Variants in PPP2R2C observed in about 807,000 individuals in gnomAD.
PPP2R2C encodes the protein protein phosphatase 2 regulatory subunit Bgamma, also known as protein phosphatase 2, regulatory subunit B, gamma.
PPP2R2C carries 10 observed loss-of-function variants against 45.3 expected under a neutral mutation model. That is an observed-to-expected ratio of 0.22 (90% CI 0.14 to 0.37). The LOEUF is 0.37. PPP2R2C is among the 10% of genes least tolerant of loss of function. The pLI is 1.00. For synonymous variants in PPP2R2C, 257 were observed against 245.4 expected (o/e 1.05, Z -0.44); for missense variants, 308 against 619.7 (o/e 0.50, Z 5.34).
At chr4:6,438,603 C>T (rs1273050832) in intron 1 of PPP2R2C, among the ~76,000 whole-genome samples, 2 of 152,278 alleles carry the variant, frequency 1.3e-5, no homozygotes, top group African/African-American at 4.8e-5. Context: ...TTTCATTGTG[C>T]CAGATTTTTC....
chr4:6,544,006 T>C (rs1464149985), intron 1 of PPP2R2C, among the ~76,000 whole-genome samples: 1 of 152,100 alleles, frequency 6.6e-6, no homozygotes, highest in African/African-American at 2.4e-5. Flanking sequence ...GACGCTCAAG[T>C]CCCCAGAGTG....
At position 6,424,120 on chromosome 4, in the gene PPP2R2C, G is replaced by GGAGGAAGGGGCTGCCC. The variant is rs1719141932; in HGVS notation, c.71-43042_71-43027dup. On this transcript the variant is annotated intron_variant, in intron 1 of 8. Coordinates refer to ENST00000382599, the MANE Select transcript of PPP2R2C (RefSeq NM_020416.4). ...CTTCCTCACAGGGAAAGCCGGATTA[G>GGAGGAAGGGGCTGCCC]GAGGAAGGGGCTGCCCAGGGAAGGG... Among the ~76,000 whole-genome samples, 6 of 152,328 alleles carry GGAGGAAGGGGCTGCCC rather than the reference G, an allele frequency of 3.9e-5. No individual in the cohort carries two copies. In the South Asian group the frequency reaches 1.2e-3, roughly 32 times the overall value.
In PPP2R2C at chr4:6,322,704, G is replaced by T. The variant is rs961941406; in HGVS notation, c.*598C>A. On this transcript the variant is annotated 3_prime_UTR_variant, in exon 9 of 9. Coordinates refer to ENST00000382599, the MANE Select transcript of PPP2R2C (RefSeq NM_020416.4). The surrounding 1 kb of genome is among the most constrained non-coding windows in gnomAD (Gnocchi z 7.8). ...AAGACATTCAGAAGACCTAGGAGAG[G>T]AGCTTGCATCTGCAAATTCTCAGCA... 6.6e-6 allele frequency: 1 copy of T among 152,286 alleles called. No individual in the cohort carries two copies. The highest frequency in any genetic ancestry group is 1.5e-5 in the Non-Finnish European group (1 of 68,084). 9.4% of individuals were successfully genotyped at this position (152,286 alleles called of 1,614,324 possible).
chr4:6,447,297 G>A (rs374624856), intron 1 of PPP2R2C, among the ~76,000 whole-genome samples: 2 of 152,156 alleles, frequency 1.3e-5, no homozygotes, highest in South Asian at 2.1e-4. Context: ...GGGACACGCT[G>A]CCACCTCAGC....
chr4:6,439,589 C>T (rs1720050098), intron 1 of PPP2R2C, among the ~76,000 whole-genome samples: 1 of 152,156 alleles, frequency 6.6e-6, no homozygotes, highest in Admixed American at 6.6e-5. Context: ...TGGGAGCAGC[C>T]CCTCCCGCTT....
chr4:6,381,477 T>A (rs1217284102), intron 1 of PPP2R2C: 2 of 1,368,076 alleles, frequency 1.5e-6, no homozygotes, highest in Non-Finnish European at 1.9e-6. Context: ...CAGGCCCCCA[T>A]GCTCCAGCAA....
chr4:6,512,120 G>C (rs138608297), intron 2 of PPP2R2C, among the ~76,000 whole-genome samples: 4 of 19,904 alleles, frequency 2.0e-4, no homozygotes, highest in Admixed American at 6.1e-4. Context: ...GTGATGGTGG[G>C]GGTGGTGGTG....
intron 2 of PPP2R2C, among the ~76,000 whole-genome samples, chr4:6,511,874 T>C (rs1577230306): frequency 9.3e-6 from 1 of 107,288 alleles, no homozygotes; most frequent in Non-Finnish European, 2.0e-5. Flanking sequence ...ATGGTGGTGG[T>C]GGTGGTGGTG....
intron 2 of PPP2R2C, among the ~76,000 whole-genome samples, chr4:6,526,548 G>C (rs868833443): frequency 6.6e-6 from 1 of 152,232 alleles, no homozygotes; most frequent in Non-Finnish European, 1.5e-5. Context: ...TTGGTGAAAA[G>C]AAAAGAAGAG....
chr4:6,513,846 G>T lies in PPP2R2C; in HGVS notation c.49+21425C>A, dbSNP rs546694586. 4.6e-5 allele frequency among the ~76,000 whole-genome samples: 7 copies of T among 152,304 alleles called. No individual in the cohort carries two copies. In the East Asian group the frequency reaches 1.2e-3, roughly 25 times the overall value. On this transcript the variant is annotated intron_variant, in intron 2 of 9. Coordinates refer to the PPP2R2C transcript ENST00000506140. ...CCCACTTGGCTCAGTTTTCTCCAGT[G>T]GGGAGCACCCACTCTGAAGACACCA...
chr4:6,394,136 C>T (rs1385511681), intron 1 of PPP2R2C, among the ~76,000 whole-genome samples: 1 of 152,204 alleles, frequency 6.6e-6, no homozygotes, highest in Non-Finnish European at 1.5e-5. Flanking sequence ...ACCAGAATTG[C>T]TGGGGCCTAG....
intron 1 of PPP2R2C, among the ~76,000 whole-genome samples, chr4:6,552,645 T>A (rs1725222529): frequency 6.6e-6 from 1 of 152,108 alleles, no homozygotes; most frequent in African/African-American, 2.4e-5. Flanking sequence ...CCTACCCAGA[T>A]AATCCAGGTC....
intron 7 of PPP2R2C, among the ~76,000 whole-genome samples, chr4:6,333,020 G>T (rs1229489202): frequency 6.6e-6 from 1 of 152,148 alleles, no homozygotes; most frequent in Non-Finnish European, 1.5e-5. Context: ...ATATCTGAAT[G>T]GATGATAATA....
In PPP2R2C at chr4:6,485,004, G is replaced by A. The variant is rs187438798; in HGVS notation, c.49+50267C>T. The stretch of plus-strand genomic sequence containing the variant: ...TTTTGCCTTCTCCCAGTCTTAGGGA[G>A]AAAGCATTCAATCTTTCATTTAGCC... On this transcript the variant is annotated intron_variant, in intron 2 of 9. Transcript: ENST00000506140. Among the ~76,000 whole-genome samples, 118 of 151,886 alleles carry A rather than the reference G, an allele frequency of 7.8e-4. 1 individual carries two copies. Among genetic ancestry groups the A allele is most frequent in the Middle Eastern group, 3.4e-3 (1 of 294 alleles).
intron 1 of PPP2R2C, among the ~76,000 whole-genome samples, chr4:6,445,932 A>T (rs1022861887): frequency 2.0e-5 from 3 of 152,140 alleles, no homozygotes; most frequent in African/African-American, 7.2e-5. Flanking sequence ...TGGCCTGGAG[A>T]CAAGCCCAAG....
chr4:6,347,805 G>GGC (rs2109224959), intron 6 of PPP2R2C, 41 bp downstream of exon 6: 16 of 1,385,514 alleles, frequency 1.2e-5, no homozygotes, highest in Non-Finnish European at 1.4e-5. Context: ...CCGCCCGCCT[G>GGC]CCCAATGCAC....
Position 6,328,769 on chromosome 4 carries a change from C to T in PPP2R2C, c.1052+493G>A, listed in dbSNP as rs1354881683. Among the ~76,000 whole-genome samples the T allele has an allele frequency of 1.3e-5, 2 of 152,166 alleles. No homozygotes were observed. Among genetic ancestry groups the T allele is most frequent in the Non-Finnish European group, 2.9e-5 (2 of 68,028 alleles). Reference sequence around the variant, plus strand: ...GGAGGGTGTAGGAGCTCCAAGGTGCCCCTGAGCCTCAGCGGGCCCGAGTGG... The same window carrying T: ...GGAGGGTGTAGGAGCTCCAAGGTGCTCCTGAGCCTCAGCGGGCCCGAGTGG... On this transcript the variant is annotated intron_variant, in intron 8 of 8. Coordinates refer to ENST00000382599, the MANE Select transcript of PPP2R2C (RefSeq NM_020416.4). This position sits in a 1 kb window ranked among gnomAD's most constrained non-coding sequence, Gnocchi z 4.4.
intron 2 of PPP2R2C, among the ~76,000 whole-genome samples, chr4:6,519,435 C>T (rs1723945222): frequency 6.6e-6 from 1 of 152,202 alleles, no homozygotes; most frequent in African/African-American, 2.4e-5. Context: ...CACCCAGGCC[C>T]CACGGGACAG....
At chr4:6,338,676 A>C (rs1733189225) in intron 6 of PPP2R2C, among the ~76,000 whole-genome samples, 1 of 151,942 alleles carries the variant, frequency 6.6e-6, no homozygotes, top group Admixed American at 6.6e-5. Flanking sequence ...CTGCTGCCTC[A>C]CACACGCAAG....
Sources: allele counts gnomAD v4.1 joint callset (sites outside exome capture counted in the v4.1 genomes callset), GRCh38; gene constraint gnomAD v4.1.1; non-coding constraint Gnocchi (gnomAD v3.1); transcripts MANE v1.5; gene names NCBI Gene and HGNC (gene_info 2026-07-23, HGNC 2026-07-21).